The following SERPINB1 variants were observed in gnomAD, a reference collection of about 807,000 sequenced individuals.
The protein encoded by SERPINB1 is serpin family B member 1.
Under a neutral mutation model 25.9 loss-of-function variants are expected in SERPINB1, and 23 were observed. The ratio of observed to expected loss-of-function variants is 0.89; its 90% confidence interval spans 0.64 to 1.26. SERPINB1 has a LOEUF of 1.26. Ranked by LOEUF, SERPINB1 falls within the 50% of genes most tolerant of loss-of-function variation. SERPINB1 has a pLI of 0.00. For missense variants in SERPINB1, 399 were observed against 463.6 expected (o/e 0.86, Z 1.28); for synonymous variants, 178 against 178.7 (o/e 1.00, Z 0.03).
chr6:2,839,277 T>G (rs1389792469), intron 2 of SERPINB1: 2 of 982,774 alleles, frequency 2.0e-6, no homozygotes, highest in African/African-American at 3.5e-5. Context: ...GGCTGGTTCC[T>G]TTATGATTAA....
rs1435941504 is a variant in SERPINB1 at position 2,841,704 on chromosome 6, AG to A, written c.-9+107del. ...GCGAGCGCAGGGAGCTGCGGGTCTG[AG>A]GGGCCTGAGCCTGGGGGGTGGGGGG... On this transcript the variant is annotated intron_variant, in intron 1 of 6. Transcript: ENST00000380739. This position sits in a 1 kb window ranked among gnomAD's most constrained non-coding sequence, Gnocchi z 4.5. The A allele has an allele frequency of 1.4e-5, 1 of 70,966 alleles. No homozygotes were observed. Among genetic ancestry groups the A allele is most frequent in the Non-Finnish European group, 3.0e-5 (1 of 33,490 alleles). The allele number at this position is 70,966 out of a possible 1,614,324, so 4.4% of individuals were successfully genotyped here.
chr6:2,835,802 A>G, intron 6 of SERPINB1, 54 bp downstream of exon 6: 1 of 1,561,748 alleles, frequency 6.4e-7, no homozygotes. Flanking sequence ...CCTACCTACC[A>G]TGCGACACAC....
At chr6:2,836,806 G>A (rs149395689) in intron 4 of SERPINB1, among the ~76,000 whole-genome samples, 3 of 152,236 alleles carry the variant, frequency 2.0e-5, no homozygotes, top group East Asian at 3.9e-4. Context: ...AGTGAGCCAC[G>A]ATCGCACCAC....
intron 2 of SERPINB1, 21 bp downstream of exon 2, chr6:2,840,398 C>G: frequency 1.2e-6 from 2 of 1,611,598 alleles, no homozygotes; most frequent in Non-Finnish European, 1.7e-6. Context: ...AAAGCAGACC[C>G]TTTTTTTTGT....
At position 2,837,890 on chromosome 6, in the gene SERPINB1, T is replaced by A. The variant is rs1459548103; in HGVS notation, c.416A>T (p.Gln139Leu). The change falls in exon 4 of 7, where the codon CAG becomes CTG. Residue 139 changes from glutamine to leucine, a missense_variant. By Grantham distance (113) the Gln-to-Leu change is moderately radical (BLOSUM62 -2). Coordinates refer to ENST00000380739, the MANE Select transcript of SERPINB1 (RefSeq NM_030666.4). This position sits in a 1 kb window ranked among gnomAD's most constrained non-coding sequence, Gnocchi z 4.3. ...RKTINQWVKG[Q>L]TEGKIPELLA... ...TCTGCCCAGGCTCTCACCTTCTGTC[T>A]GTCCTTTGACCCACTGGTTTATGGT... 6.2e-7 allele frequency: 1 copy of A among 1,612,222 alleles called. No homozygotes were observed. The highest frequency in any genetic ancestry group is 1.7e-4 in the Middle Eastern group (1 of 6,060).
chr6:2,833,734 T>C lies in SERPINB1; in HGVS notation c.1014A>G (p.Ala338=). 6.2e-7 allele frequency: 1 copy of C among 1,614,204 alleles called. No individual in the cohort carries two copies. The highest frequency in any genetic ancestry group is 8.5e-7 in the Non-Finnish European group (1 of 1,180,038). The change falls in exon 7 of 7, where the codon GCA becomes GCG. Residue 338 remains alanine, a synonymous_variant. Transcript: ENST00000380739. ...EEGTEAAAAT[A]GIATFCMLMP... The stretch of plus-strand genomic sequence containing the variant: ...TCAACATGCAGAAAGTTGCGATGCC[T>C]GCTGTGGCAGCTGCCGCCTCTGTTC...
chr6:2,836,997 C>T (rs1766510494), intron 4 of SERPINB1, among the ~76,000 whole-genome samples: 2 of 152,164 alleles, frequency 1.3e-5, no homozygotes, highest in African/African-American at 2.4e-5. Context: ...TTGACTAATA[C>T]AGGGCTATGT....
chr6:2,837,347 C>T lies in SERPINB1; in HGVS notation c.424+535G>A, dbSNP rs1408204753. Among the ~76,000 whole-genome samples the T allele has an allele frequency of 6.6e-6, 1 of 152,022 alleles. No individual in the cohort carries two copies. The highest frequency in any genetic ancestry group is 2.4e-5 in the African/African-American group (1 of 41,360). On this transcript the variant is annotated intron_variant, in intron 4 of 6. Transcript: ENST00000380739. The surrounding 1 kb of genome is among the most constrained non-coding windows in gnomAD (Gnocchi z 4.3). ...AGGCTGGAGTACAGTGGCATGATCT[C>T]GGCTCACTGTAACCTTTACCTCCTG...
At position 2,833,685 on chromosome 6, in the gene SERPINB1, C is replaced by A. The variant is rs777668754; in HGVS notation, c.1063G>T (p.Asp355Tyr). ...CGAATAAAGAAAAGGAATGGATGGT[C>A]GGCAGTGAAATTTTCTTCGGGCATC... ...MLMPEENFTA[D>Y]HPFLFFIRHN... The change falls in exon 7 of 7, where the codon GAC (aspartate) becomes TAC (tyrosine). Residue 355 changes from aspartate to tyrosine, a missense_variant. Asp to Tyr is a radical substitution (Grantham distance 160). Coordinates refer to ENST00000380739, the MANE Select transcript of SERPINB1 (RefSeq NM_030666.4). The A allele has an allele frequency of 6.2e-7, 1 of 1,614,158 alleles. No homozygotes were observed. Among genetic ancestry groups the A allele is most frequent in the Non-Finnish European group, 8.5e-7 (1 of 1,180,016 alleles).
Position 2,835,979 on chromosome 6 carries a change from A to C in SERPINB1, c.612T>G (p.Phe204Leu), listed in dbSNP as rs772704497. ...TVKMMYQKKK[F>L]AYGYIEDLKC... ...TAAGGTCCTCGATGTAGCCATATGC[A>C]AATTTTTTCTTCTGATACATCATTT... is the stretch of plus-strand genomic sequence containing the variant. Residue 204 changes from phenylalanine (F) to leucine (L), a missense_variant, in exon 6 of 7, where the codon TTT becomes TTG. Phe to Leu is a conservative substitution (Grantham distance 22, BLOSUM62 0). Transcript: ENST00000380739. 1 of 1,614,162 alleles carries C rather than the reference A, an allele frequency of 6.2e-7. No homozygotes were observed. Among genetic ancestry groups the C allele is most frequent in the African/African-American group, 1.3e-5 (1 of 75,020 alleles).
At chr6:2,836,280 A>T in intron 4 of SERPINB1, 30 bp from the exon 5 acceptor site, 4 of 1,573,346 alleles carry the variant, frequency 2.5e-6, no homozygotes, top group Non-Finnish European at 3.4e-6. Flanking sequence ...GCGTAAAAAA[A>T]ATCCAAATCG....
Position 2,840,493 on chromosome 6 carries a change from G to A in SERPINB1, c.94C>T (p.Pro32Ser). Reference protein sequence around the residue: ...NNPAGNIFISPFSISSAMAMV... With the variant: ...NNPAGNIFISSFSISSAMAMV... Reference sequence around the variant, plus strand: ...GCCATAGCAGATGAAATGCTGAAGGGAGAGATGAAGATGTTTCCAGCCGGA... The same window carrying A: ...GCCATAGCAGATGAAATGCTGAAGGAAGAGATGAAGATGTTTCCAGCCGGA... Residue 32 changes from proline to serine, a missense_variant, in exon 2 of 7, where the codon CCC (proline) becomes TCC (serine). By Grantham distance (74) the Pro-to-Ser change is moderately conservative. Transcript: ENST00000380739. 2 of 1,614,172 alleles carry A rather than the reference G, an allele frequency of 1.2e-6. No homozygotes were observed. Among genetic ancestry groups the A allele is most frequent in the Non-Finnish European group, 1.7e-6 (2 of 1,180,040 alleles).
In SERPINB1 at chr6:2,833,829, T is replaced by C. The variant is rs1302479785; in HGVS notation, c.919A>G (p.Met307Val). Residue 307 changes from methionine to valine, a missense_variant, in exon 7 of 7, where the codon ATG (methionine) becomes GTG (valine). Transcript: ENST00000380739. ...FNSSKADLSG[M>V]SGARDIFISK... is the part of the protein sequence containing the mutation. Reference sequence around the variant, plus strand: ...ATAAAAATATCTCTGGCTCCTGACATGCCAGACAGATCAGCCTTGCTACTG... The same window carrying C: ...ATAAAAATATCTCTGGCTCCTGACACGCCAGACAGATCAGCCTTGCTACTG... The C allele has an allele frequency of 1.2e-6, 2 of 1,614,194 alleles. No individual in the cohort carries two copies. The highest frequency in any genetic ancestry group is 1.1e-5 in the South Asian group (1 of 91,082).
chr6:2,837,862 C>T lies in SERPINB1; in HGVS notation c.424+20G>A. ...TGACATGACCAGCGCATAATGATTCCATTCTGCCCAGGCTCTCACCTTCTG... is the reference window on the plus strand; with the variant it reads ...TGACATGACCAGCGCATAATGATTCTATTCTGCCCAGGCTCTCACCTTCTG... On this transcript the variant is annotated intron_variant, in intron 4 of 6. Transcript: ENST00000380739. The surrounding 1 kb of genome is among the most constrained non-coding windows in gnomAD (Gnocchi z 4.3). The T allele has an allele frequency of 6.4e-7, 1 of 1,554,352 alleles. No homozygotes were observed. Among genetic ancestry groups the T allele is most frequent in the East Asian group, 2.2e-5 (1 of 44,574 alleles).
rs1312396339 is a variant in SERPINB1 at position 2,833,163 on chromosome 6, GCT to G, written c.*443_*444del. ...CGTAACCTGGGCTCTCAATTGGGGT[GCT>G]CTCTTACATTTCAATTGAATATCTG... On this transcript the variant is annotated 3_prime_UTR_variant, in exon 7 of 7. Transcript: ENST00000380739. 6.5e-6 allele frequency: 1 copy of G among 153,738 alleles called. No individual in the cohort carries two copies. The highest frequency in any genetic ancestry group is 1.4e-5 in the Non-Finnish European group (1 of 69,212). The allele number at this position is 153,738 out of a possible 1,614,324, so 9.5% of individuals were successfully genotyped here.
rs761036693 is a variant in SERPINB1, at chr6:2,833,982, G to A, written c.766C>T (p.His256Tyr). Residue 256 changes from histidine to tyrosine, a missense_variant, in exon 7 of 7, where the codon CAT becomes TAT. By Grantham distance (83) the His-to-Tyr change is moderately conservative (BLOSUM62 2). Coordinates refer to ENST00000380739, the MANE Select transcript of SERPINB1 (RefSeq NM_030666.4). ...IEEQLTLEKLHEWTKPENLDF... is the reference protein window; with the variant it reads ...IEEQLTLEKLYEWTKPENLDF... ...AGATTCTCAGGTTTAGTCCACTCATGCAACTTTTCCAAAGTCAACTGTTCC... is the reference window on the plus strand; with the variant it reads ...AGATTCTCAGGTTTAGTCCACTCATACAACTTTTCCAAAGTCAACTGTTCC... The A allele has an allele frequency of 1.2e-6, 2 of 1,603,106 alleles. No individual in the cohort carries two copies. The highest frequency in any genetic ancestry group is 8.5e-7 in the Non-Finnish European group (1 of 1,174,044).
intron 6 of SERPINB1, 140 bp from the exon 7 acceptor site, chr6:2,834,152 T>C (rs1006099745): frequency 1.3e-6 from 1 of 795,102 alleles, no homozygotes; most frequent in Non-Finnish European, 1.9e-6. Flanking sequence ...CAGATTCCAT[T>C]TGGAGCATTT....
chr6:2,838,866 T>C (rs530618773), intron 2 of SERPINB1, among the ~76,000 whole-genome samples, 180 bp from the exon 3 acceptor site: 1 of 152,248 alleles, frequency 6.6e-6, no homozygotes, highest in Non-Finnish European at 1.5e-5. Flanking sequence ...CCAAAATTTA[T>C]GGCTTCGTGA....
chr6:2,833,890 G>A lies in SERPINB1; in HGVS notation c.858C>T (p.Ser286=), dbSNP rs755709516. 34 of 1,614,028 alleles carry A rather than the reference G, an allele frequency of 2.1e-5. No individual in the cohort carries two copies. In the Admixed American group the frequency reaches 2.8e-4, roughly 13 times the overall value. The change falls in exon 7 of 7, where the codon TCC becomes TCT. Residue 286 remains serine, a synonymous_variant. Coordinates refer to ENST00000380739, the MANE Select transcript of SERPINB1 (RefSeq NM_030666.4). The part of the protein sequence containing the change: ...FKLEESYTLN[S]DLARLGVQDL... ...CCTGCACACCTAGGCGGGCGAGGTC[G>A]GAGTTGAGAGTGTAACTCTCTTCCA...
Sources: gnomAD v4.1 joint callset for allele counts (sites outside exome capture counted in the v4.1 genomes callset) on GRCh38, gnomAD v4.1.1 for gene constraint, Gnocchi (gnomAD v3.1) non-coding constraint, MANE v1.5 for transcripts, NCBI Gene and HGNC (gene_info 2026-07-23, HGNC 2026-07-21) for gene names.